The following PDE1C variants were observed in gnomAD, a reference collection of about 807,000 sequenced individuals.
PDE1C encodes the protein phosphodiesterase 1C, also known as dual specificity calcium/calmodulin-dependent 3',5'-cyclic nucleotide phosphodiesterase 1C.
Under a neutral mutation model 93.1 loss-of-function variants are expected in PDE1C, and 62 were observed. The ratio of observed to expected loss-of-function variants is 0.67; its 90% CI spans 0.54 to 0.82. The LOEUF is 0.82. Among genes scored for constraint, PDE1C ranks in the 40% least tolerant of loss-of-function variants. PDE1C has a pLI of 0.00. For synonymous variants in PDE1C, 325 were observed against 310.1 expected (o/e 1.05, Z -0.50); for missense variants, 742 against 884.6 (o/e 0.84, Z 2.04).
chr7:32,220,617 C>T (rs1373520832), intron 1 of PDE1C, among the ~76,000 whole-genome samples: 3 of 151,996 alleles, frequency 2.0e-5, no homozygotes, highest in African/African-American at 4.8e-5. Context: ...AGATCGAGAC[C>T]ATCCTGGCTA....
chr7:31,721,437 AATTT>A, the PDE1C span, among the ~76,000 whole-genome samples: 1 of 152,208 alleles, frequency 6.6e-6, no homozygotes, highest in Non-Finnish European at 1.5e-5. Flanking sequence ...CTAAAGGTTT[AATTT>A]ATTTAATTAA....
chr7:31,797,809 G>T (rs1244237260), intron 16 of PDE1C, among the ~76,000 whole-genome samples: 6 of 151,612 alleles, frequency 4.0e-5, no homozygotes, highest in Admixed American at 3.9e-4. Context: ...GCCCAGAAAA[G>T]CAATCAAGGA....
intron 1 of PDE1C, among the ~76,000 whole-genome samples, chr7:32,213,225 C>G (rs1420470739): frequency 6.6e-6 from 1 of 152,144 alleles, no homozygotes; most frequent in Non-Finnish European, 1.5e-5. Flanking sequence ...CATTTAAAAA[C>G]CAAGAGATTT....
chr7:32,239,494 C>T (rs565736087), intron 1 of PDE1C, among the ~76,000 whole-genome samples: 5 of 152,012 alleles, frequency 3.3e-5, no homozygotes, highest in South Asian at 2.1e-4. Flanking sequence ...CAAAAAGAAC[C>T]CTGTAAGTCA....
chr7:31,992,681 T>G (rs537803932), intron 2 of PDE1C, among the ~76,000 whole-genome samples: 2 of 152,240 alleles, frequency 1.3e-5, no homozygotes, highest in Admixed American at 1.3e-4. Flanking sequence ...AATGGCTTGA[T>G]AGCAGAACAG....
intron 3 of PDE1C, among the ~76,000 whole-genome samples, chr7:32,117,166 T>C (rs1330840661): frequency 6.6e-6 from 1 of 152,188 alleles, no homozygotes; most frequent in Non-Finnish European, 1.5e-5. Context: ...TCAACTTCTC[T>C]TTCTATCCAA....
the PDE1C span, chr7:31,643,321 C>G: frequency 1.9e-6 from 3 of 1,613,836 alleles, no homozygotes; most frequent in Admixed American, 5.0e-5. Context: ...TGAAATCACA[C>G]CTTATGCAAC....
chr7:31,936,577 T>C (rs1433987251), intron 2 of PDE1C, among the ~76,000 whole-genome samples: 3 of 152,042 alleles, frequency 2.0e-5, no homozygotes, highest in Non-Finnish European at 2.9e-5. Flanking sequence ...CTTATGAACA[T>C]GATGATATCA....
At chr7:32,108,456 C>CAG (rs1313461569) in intron 3 of PDE1C, among the ~76,000 whole-genome samples, 1 of 151,280 alleles carries the variant, frequency 6.6e-6, no homozygotes, top group Non-Finnish European at 1.5e-5. Flanking sequence ...CACACACACA[C>CAG]AGAAGGAGAA....
intron 1 of PDE1C, among the ~76,000 whole-genome samples, chr7:32,376,518 C>T (rs1784434680): frequency 1.3e-5 from 2 of 152,192 alleles, no homozygotes; most frequent in South Asian, 4.1e-4. Flanking sequence ...GGTTTCTGCT[C>T]ATGGTAGATC....
intron 1 of PDE1C, among the ~76,000 whole-genome samples, chr7:32,318,409 T>C (rs1414426445): frequency 6.6e-6 from 1 of 152,152 alleles, no homozygotes; most frequent in Non-Finnish European, 1.5e-5. Context: ...AAACACGGGC[T>C]CTTCCTGCCC....
chr7:32,343,373 G>A (rs1783796508), intron 1 of PDE1C, among the ~76,000 whole-genome samples: 1 of 152,146 alleles, frequency 6.6e-6, no homozygotes, highest in Admixed American at 6.5e-5. Context: ...GAGTCACACT[G>A]CCACCTGATT....
At chr7:31,919,803 G>A (rs1042864629) in intron 2 of PDE1C, among the ~76,000 whole-genome samples, 3 of 152,198 alleles carry the variant, frequency 2.0e-5, no homozygotes, top group African/African-American at 7.2e-5. Flanking sequence ...CCCTGCAAGG[G>A]TAAGTGTTGA....
the PDE1C span, chr7:31,643,754 T>A: frequency 6.2e-7 from 1 of 1,613,924 alleles, no homozygotes. Context: ...ATCTGCCCAA[T>A]GGGCACCTGC....
At chr7:32,212,809 C>G (rs1273269630) in intron 1 of PDE1C, among the ~76,000 whole-genome samples, 1 of 152,156 alleles carries the variant, frequency 6.6e-6, no homozygotes, top group Non-Finnish European at 1.5e-5. Context: ...TGCCCATATG[C>G]GTAACTCCCC....
At chr7:31,758,254 C>A (rs960259007) in intron 17 of PDE1C, among the ~76,000 whole-genome samples, 2 of 152,042 alleles carry the variant, frequency 1.3e-5, no homozygotes, top group African/African-American at 4.8e-5. Context: ...ATGTAACAAA[C>A]CTGCACGTTG....
At chr7:32,206,261 T>G (rs549025941) in intron 2 of PDE1C, among the ~76,000 whole-genome samples, 1 of 151,990 alleles carries the variant, frequency 6.6e-6, no homozygotes, top group Non-Finnish European at 1.5e-5. Flanking sequence ...GCTCACTGAT[T>G]AGGATGCAGA....
the PDE1C span, among the ~76,000 whole-genome samples, chr7:31,732,636 T>TGTG: frequency 6.8e-4 from 70 of 103,198 alleles, no homozygotes; most frequent in African/African-American, 2.2e-3. Context: ...TCTCCTCTCT[T>TGTG]TCTGTGTGTG....
rs1055458873 is a variant in PDE1C, at chr7:32,099,336, G to C, written c.308+70449C>G. Among the ~76,000 whole-genome samples the C allele has an allele frequency of 1.1e-4, 16 of 152,262 alleles. 5 individuals carry two copies. Among genetic ancestry groups the C allele is most frequent in the Admixed American group, 6.5e-5 (1 of 15,298 alleles). On this transcript the variant is annotated intron_variant, in intron 3 of 18. Coordinates refer to the PDE1C transcript ENST00000396193. ...TTGCCATTATAAAGAACCTTCAGGG[G>C]AATGAGGAAATAGGATGTTACTTCT...
Sources: allele counts gnomAD v4.1 joint callset (sites outside exome capture counted in the v4.1 genomes callset), GRCh38; gene constraint gnomAD v4.1.1; transcripts MANE v1.5; gene names NCBI Gene and HGNC (gene_info 2026-07-23, HGNC 2026-07-21).